Variants in REV3L observed in about 807,000 individuals in gnomAD.
REV3L encodes DNA polymerase zeta catalytic subunit.
Under a neutral mutation model 299.4 loss-of-function variants are expected in REV3L, and 69 were observed. The ratio of observed to expected loss-of-function variants is 0.23; its 90% CI spans 0.19 to 0.28. REV3L has a LOEUF of 0.28. Among genes scored for constraint, REV3L ranks in the 10% least tolerant of loss-of-function variants. The probability of loss-of-function intolerance (pLI) is 1.00; values close to 1 mark genes in which losing one functional copy is unlikely to be tolerated. For synonymous variants in REV3L, 1,238 were observed against 1,271.4 expected (o/e 0.97, Z 0.56); for missense variants, 3,128 against 3,693.8 (o/e 0.85, Z 3.97).
chr6:111,314,129 G>A (rs977440370), intron 27 of REV3L, among the ~76,000 whole-genome samples: 4 of 152,054 alleles, frequency 2.6e-5, no homozygotes, highest in African/African-American at 7.2e-5. Flanking sequence ...ATGCTTCTTC[G>A]TATTCCACAC....
intron 1 of REV3L, chr6:111,431,383 C>T (rs1179782761): frequency 3.1e-6 from 3 of 960,888 alleles, no homozygotes; most frequent in African/African-American, 1.6e-5. Flanking sequence ...AGGCTCATAG[C>T]GCTGAAAGCA....
At chr6:111,326,281 C>T (rs528121986) in intron 25 of REV3L, among the ~76,000 whole-genome samples, 1 of 152,094 alleles carries the variant, frequency 6.6e-6, no homozygotes, top group African/African-American at 2.4e-5. Context: ...TCAAACAACT[C>T]AGTAGGAAAA....
At chr6:111,465,757 A>AAC (rs1299521616) in intron 1 of REV3L, among the ~76,000 whole-genome samples, 6 of 121,288 alleles carry the variant, frequency 4.9e-5, no homozygotes, top group African/African-American at 1.5e-4. Context: ...AAAAAAAAAA[A>AAC]AAAAAAAAAC....
intron 2 of REV3L, chr6:111,412,383 A>G (rs1784338176): frequency 7.9e-6 from 3 of 381,604 alleles, no homozygotes; most frequent in South Asian, 2.2e-4. Flanking sequence ...CTCTCACATC[A>G]TTTCAGGAGG....
intron 1 of REV3L, among the ~76,000 whole-genome samples, chr6:111,432,872 A>G (rs989516993): frequency 6.6e-6 from 1 of 152,212 alleles, no homozygotes; most frequent in African/African-American, 2.4e-5. Context: ...ATGGAATAAA[A>G]CTAGAAATTA....
intron 1 of REV3L, among the ~76,000 whole-genome samples, chr6:111,475,135 C>T (rs1389441353): frequency 9.1e-6 from 1 of 109,324 alleles, no homozygotes. Context: ...GCAGTCATGC[C>T]TCTTGCTTTT....
At chr6:111,347,983 G>A (rs973308240) in intron 20 of REV3L, among the ~76,000 whole-genome samples, 4 of 152,132 alleles carry the variant, frequency 2.6e-5, no homozygotes, top group African/African-American at 7.2e-5. Context: ...GTATTTTTTG[G>A]TAGAGACGGG....
In REV3L at chr6:111,300,132, A is replaced by C. The variant is rs772423390; in HGVS notation, c.9277T>G (p.Phe3093Val). 6.2e-7 allele frequency: 1 copy of C among 1,612,556 alleles called. No individual in the cohort carries two copies. The highest frequency in any genetic ancestry group is 1.7e-5 in the Admixed American group (1 of 59,702). Reference protein sequence around the residue: ...VKICKNCTGCFDRHIPCVSLN... With the variant: ...VKICKNCTGCVDRHIPCVSLN... ...GAAACACATGGGATGTGTCGATCAAAGCAACCTGTACAGTTCTTGCATATC... is the reference window on the plus strand; with the variant it reads ...GAAACACATGGGATGTGTCGATCAACGCAACCTGTACAGTTCTTGCATATC... The change falls in exon 32 of 32, where the codon TTT (phenylalanine) becomes GTT (valine). Residue 3093 changes from phenylalanine to valine, a missense_variant. Transcript: ENST00000368802.
intron 22 of REV3L, among the ~76,000 whole-genome samples, chr6:111,334,831 A>C (rs919792354): frequency 6.6e-6 from 1 of 152,196 alleles, no homozygotes; most frequent in African/African-American, 2.4e-5. Flanking sequence ...TGTTATAGAC[A>C]CAGGTAATTA....
At chr6:111,369,923 G>C (rs1300941165) in intron 13 of REV3L, among the ~76,000 whole-genome samples, 1 of 151,038 alleles carries the variant, frequency 6.6e-6, no homozygotes, top group Non-Finnish European at 1.5e-5. Context: ...TGCAACCTCT[G>C]ACTCCCTGGT....
At chr6:111,406,919 G>A (rs1783696074) in intron 3 of REV3L, among the ~76,000 whole-genome samples, 1 of 152,150 alleles carries the variant, frequency 6.6e-6, no homozygotes, top group Admixed American at 6.5e-5. Context: ...TACAAGTAAT[G>A]TTTATTACAA....
At chr6:111,406,064 C>A (rs1783586342) in intron 3 of REV3L, among the ~76,000 whole-genome samples, 1 of 151,794 alleles carries the variant, frequency 6.6e-6, no homozygotes, top group South Asian at 2.1e-4. Flanking sequence ...ATGACGAATA[C>A]AAACAACAGA....
intron 21 of REV3L, 50 bp downstream of exon 21, chr6:111,343,875 C>T: frequency 8.2e-7 from 1 of 1,224,886 alleles, no homozygotes. Flanking sequence ...ATATAAATTA[C>T]ATCTCAATGA....
At chr6:111,422,723 C>G (rs1232206588) in intron 1 of REV3L, among the ~76,000 whole-genome samples, 1 of 135,442 alleles carries the variant, frequency 7.4e-6, no homozygotes, top group African/African-American at 2.7e-5. Flanking sequence ...AAATATACAA[C>G]TTGTGTAAAC....
Position 111,402,485 on chromosome 6 carries a change from C to T in REV3L, c.565+2985G>A, listed in dbSNP as rs957088964. Among the ~76,000 whole-genome samples, 9 of 152,264 alleles carry T rather than the reference C, an allele frequency of 5.9e-5. No individual in the cohort carries two copies. In the East Asian group the frequency reaches 1.5e-3, roughly 26 times the overall value. On this transcript the variant is annotated intron_variant, in intron 4 of 31. Transcript: ENST00000368802. The stretch of plus-strand genomic sequence containing the variant: ...CCCTCAGGTCAAAAGTTGCTTTAAG[C>T]GTTCTATTCCCTTTTGGCCTGCACT...
At position 111,422,664 on chromosome 6, in the gene REV3L, A is replaced by G. The variant is rs1467293191; in HGVS notation, c.140-6192T>C. On this transcript the variant is annotated intron_variant, in intron 1 of 31. Coordinates refer to ENST00000368802, the MANE Select transcript of REV3L (RefSeq NM_001372078.1). ...TATATATATACATATATATATATACATATATATATATATACGTATATATAT... is the reference window on the plus strand; with the variant it reads ...TATATATATACATATATATATATACGTATATATATATATACGTATATATAT... Among the ~76,000 whole-genome samples, 114 of 39,858 alleles carry G rather than the reference A, an allele frequency of 2.9e-3. 19 individuals are homozygous for G. In the East Asian group the frequency reaches 0.054, roughly 19 times the overall value. The allele number at this position is 39,858 out of a possible 152,430, so 26.1% of individuals were successfully genotyped here.
chr6:111,372,470 G>GT (rs1238837106), intron 13 of REV3L, 126 bp downstream of exon 13: 2 of 620,398 alleles, frequency 3.2e-6, no homozygotes, highest in African/African-American at 1.9e-5. Flanking sequence ...TACAAATACG[G>GT]TATCACAGAA....
chr6:111,392,698 G>A (rs897219466), intron 5 of REV3L, 178 bp downstream of exon 5: 2 of 468,086 alleles, frequency 4.3e-6, no homozygotes, highest in Non-Finnish European at 7.7e-6. Flanking sequence ...TTCATGGTTT[G>A]TTTTTAAAAT....
At chr6:111,417,776 T>C (rs963174443) in intron 1 of REV3L, among the ~76,000 whole-genome samples, 1 of 152,192 alleles carries the variant, frequency 6.6e-6, no homozygotes, top group Non-Finnish European at 1.5e-5. Flanking sequence ...AGTTATTACA[T>C]AAAGCAGAGC....
Sources: gnomAD v4.1 joint callset for allele counts (sites outside exome capture counted in the v4.1 genomes callset) on GRCh38, gnomAD v4.1.1 for gene constraint, MANE v1.5 for transcripts, NCBI Gene and HGNC (gene_info 2026-07-23, HGNC 2026-07-21) for gene names.